CLIP1: variants seen among roughly 807,000 people sequenced by gnomAD.
The protein encoded by CLIP1 is CAP-Gly domain-containing linker protein 1.
In CLIP1, 66 loss-of-function variants were observed where a neutral mutation model predicts 161.6. The ratio of observed to expected loss-of-function variants is 0.41; its 90% CI spans 0.33 to 0.50. CLIP1 has a LOEUF of 0.50. Among genes scored for constraint, CLIP1 ranks in the 20% least tolerant of loss-of-function variants. The pLI is 0.27. For missense variants in CLIP1, 1,376 were observed against 1,702.0 expected (o/e 0.81, Z 3.37); for synonymous variants, 598 against 626.2 (o/e 0.96, Z 0.67).
chr12:122,328,240 G>A (rs1951786697), intron 16 of CLIP1, 21 bp downstream of exon 16: 1 of 1,613,400 alleles, frequency 6.2e-7, no homozygotes, highest in Admixed American at 1.7e-5. Context: ...CAGCCAACAG[G>A]CCCACTGAGT....
At chr12:122,405,248 T>C (rs955959930) in intron 1 of CLIP1, among the ~76,000 whole-genome samples, 1 of 152,194 alleles carries the variant, frequency 6.6e-6, no homozygotes, top group Admixed American at 6.6e-5. Context: ...GTTGCCGTCA[T>C]TGCCTAGATT....
chr12:122,340,965 C>T lies in CLIP1; in HGVS notation c.2239G>A (p.Val747Ile), dbSNP rs751391260. 2 of 1,614,168 alleles carry T rather than the reference C, an allele frequency of 1.2e-6. No individual in the cohort carries two copies. The highest frequency in any genetic ancestry group is 4.5e-5 in the East Asian group (2 of 44,874). The stretch of plus-strand genomic sequence containing the variant: ...TGTTCATTGCATTTGGCTTGCAGTA[C>T]CTCTAGCTCCTTTACCTTTATTTCA... ...EAEIKVKELEVLQAKCNEQTK... is the reference protein window; with the variant it reads ...EAEIKVKELEILQAKCNEQTK... The change falls in exon 11 of 26, where the codon GTA (valine) becomes ATA (isoleucine). Residue 747 changes from valine (V) to isoleucine (I), a missense_variant. Physicochemically the swap from Val to Ile is conservative, Grantham distance 29. Transcript: ENST00000620786.
chr12:122,418,256 C>G (rs544318159), intron 1 of CLIP1, among the ~76,000 whole-genome samples: 2 of 152,120 alleles, frequency 1.3e-5, no homozygotes, highest in East Asian at 3.9e-4. Context: ...TGCCTGAATA[C>G]CAAATGAGAT....
At chr12:122,315,984 T>G (rs1421653151) in intron 19 of CLIP1, among the ~76,000 whole-genome samples, 2 of 151,744 alleles carry the variant, frequency 1.3e-5, no homozygotes, top group Non-Finnish European at 2.9e-5. Flanking sequence ...GAAAGTGACA[T>G]GCTATTTGAT....
At chr12:122,382,272 A>T (rs1176827673) in intron 1 of CLIP1, among the ~76,000 whole-genome samples, 1 of 151,882 alleles carries the variant, frequency 6.6e-6, no homozygotes, top group Non-Finnish European at 1.5e-5. Flanking sequence ...GCAGCAGGAG[A>T]ACTGCTTGAA....
chr12:122,392,855 CACT>C (rs1285600005), intron 1 of CLIP1, among the ~76,000 whole-genome samples: 5 of 151,938 alleles, frequency 3.3e-5, no homozygotes, highest in African/African-American at 1.2e-4. Flanking sequence ...ACTCTCAGTT[CACT>C]ACAACTTCCA....
chr12:122,391,262 C>T (rs141726442), intron 1 of CLIP1, among the ~76,000 whole-genome samples: 2,872 of 151,262 alleles, frequency 0.019, 73 homozygotes, highest in African/African-American at 0.062. Flanking sequence ...CACTCCAGCC[C>T]GGGTGACAAA....
At chr12:122,358,526 G>A (rs997278749) in intron 5 of CLIP1, among the ~76,000 whole-genome samples, 46 of 151,518 alleles carry the variant, frequency 3.0e-4, no homozygotes, top group Admixed American at 9.2e-4. Context: ...AATGACTTAA[G>A]GTCCAGTTTC....
chr12:122,288,570 T>G (rs1488984062), intron 20 of CLIP1, 29 bp from the exon 21 acceptor site: 3 of 1,593,688 alleles, frequency 1.9e-6, no homozygotes, highest in Non-Finnish European at 2.6e-6. Context: ...AAACTTCAGT[T>G]CATAACCAGG....
At chr12:122,398,713 A>T (rs1956027554) in intron 1 of CLIP1, among the ~76,000 whole-genome samples, 1 of 151,678 alleles carries the variant, frequency 6.6e-6, no homozygotes, top group African/African-American at 2.4e-5. Flanking sequence ...AAAAAAAAAA[A>T]ATTTTTTTTA....
intron 1 of CLIP1, among the ~76,000 whole-genome samples, chr12:122,381,580 G>A (rs1372942799): frequency 6.6e-6 from 1 of 152,172 alleles, no homozygotes; most frequent in African/African-American, 2.4e-5. Context: ...CCTAAAAACA[G>A]AACAATTCAA....
At chr12:122,384,892 C>T (rs1275622442) in intron 1 of CLIP1, among the ~76,000 whole-genome samples, 3 of 150,400 alleles carry the variant, frequency 2.0e-5, no homozygotes, top group Non-Finnish European at 4.4e-5. Flanking sequence ...TCAAAATTTG[C>T]CAGTTAAGTT....
rs759402510 is a variant in CLIP1, at chr12:122,279,019, G to T, written c.3765+9C>A. On this transcript the variant is annotated intron_variant, in intron 22 of 25. Transcript: ENST00000620786. This position sits in a 1 kb window ranked among gnomAD's most constrained non-coding sequence, Gnocchi z 4.5. ...CGTGAAAGCTCGTGCACCCTGGGTG[G>T]TACTCTACCTCATTTCTCAGTTTCT... 1.9e-6 allele frequency: 3 copies of T among 1,610,704 alleles called. No homozygotes were observed. The South Asian group carries it at 3.3e-5, about 18-fold the overall frequency.
At chr12:122,351,444 G>C (rs921329040) in intron 8 of CLIP1, among the ~76,000 whole-genome samples, 37 of 152,200 alleles carry the variant, frequency 2.4e-4, no homozygotes, top group African/African-American at 8.4e-4. Flanking sequence ...TATATGAAAT[G>C]AGTGAAGAAG....
chr12:122,282,564 T>C (rs913822929), intron 21 of CLIP1, among the ~76,000 whole-genome samples: 1 of 152,020 alleles, frequency 6.6e-6, no homozygotes, highest in African/African-American at 2.4e-5. Context: ...GAACCAAATA[T>C]TAGAACCATG....
chr12:122,403,499 G>GTTTT (rs11302150), intron 1 of CLIP1, among the ~76,000 whole-genome samples: 24 of 72,280 alleles, frequency 3.3e-4, no homozygotes, highest in South Asian at 5.1e-4. Flanking sequence ...TTCTTGTTTT[G>GTTTT]TTTTTTTTTT....
intron 11 of CLIP1, among the ~76,000 whole-genome samples, chr12:122,339,457 C>A (rs1593107105): frequency 1.3e-5 from 2 of 152,072 alleles, no homozygotes; most frequent in South Asian, 4.1e-4. Flanking sequence ...TGTGCCTCAG[C>A]CTCCTGAGTA....
At chr12:122,333,362 G>T (rs1209542874) in intron 14 of CLIP1, among the ~76,000 whole-genome samples, 3 of 152,194 alleles carry the variant, frequency 2.0e-5, no homozygotes, top group Non-Finnish European at 2.9e-5. Context: ...GCAGGCAAAG[G>T]AGCTGGGAAG....
intron 17 of CLIP1, among the ~76,000 whole-genome samples, chr12:122,326,407 C>A (rs544306709): frequency 6.6e-6 from 1 of 151,174 alleles, no homozygotes; most frequent in Admixed American, 6.6e-5. Context: ...TGGCCAGGAA[C>A]GATGAATCAC....
Sources: allele counts gnomAD v4.1 joint callset (sites outside exome capture counted in the v4.1 genomes callset), GRCh38; gene constraint gnomAD v4.1.1; non-coding constraint Gnocchi (gnomAD v3.1); transcripts MANE v1.5; gene names NCBI Gene and HGNC (gene_info 2026-07-23, HGNC 2026-07-21).